The following LRBA variants were observed in gnomAD, a reference collection of about 807,000 sequenced individuals.
The protein encoded by LRBA is lipopolysaccharide-responsive and beige-like anchor protein.
A neutral mutation model predicts 330.0 loss-of-function variants in LRBA; 176 were observed. That is an observed-to-expected ratio of 0.53 (90% CI 0.47 to 0.60). The LOEUF (loss-of-function observed/expected upper bound fraction) is 0.60, where lower values mean the gene tolerates loss of function less well. LRBA is among the 20% of genes least tolerant of loss of function. The pLI is 0.00. For missense variants in LRBA, 3,259 were observed against 3,444.8 expected (o/e 0.95, Z 1.35); for synonymous variants, 1,230 against 1,193.0 (o/e 1.03, Z -0.64).
chr4:150,965,220 C>T (rs973274967), intron 2 of LRBA, among the ~76,000 whole-genome samples: 1 of 152,094 alleles, frequency 6.6e-6, no homozygotes, highest in Admixed American at 6.5e-5. Context: ...TAACAAAATA[C>T]TGGAAACAAC....
intron 36 of LRBA, among the ~76,000 whole-genome samples, chr4:150,703,227 C>T (rs1785288510): frequency 1.3e-5 from 2 of 152,174 alleles, no homozygotes. Context: ...CAGCGACAAT[C>T]CAGTAAGCAA....
intron 9 of LRBA, 128 bp downstream of exon 9, chr4:150,914,067 G>A (rs1474868809): frequency 2.5e-5 from 16 of 644,110 alleles, no homozygotes; most frequent in Non-Finnish European, 3.1e-5. Context: ...ACCCTGCTGT[G>A]GTATCAAATA....
intron 47 of LRBA, among the ~76,000 whole-genome samples, chr4:150,408,098 G>C (rs761361630): frequency 6.6e-6 from 1 of 151,930 alleles, no homozygotes; most frequent in African/African-American, 2.4e-5. Context: ...GAGGAAACCA[G>C]TGAAACAAAA....
intron 36 of LRBA, among the ~76,000 whole-genome samples, chr4:150,728,657 T>C (rs1455639238): frequency 7.2e-6 from 1 of 139,256 alleles, no homozygotes; most frequent in Non-Finnish European, 1.5e-5. Context: ...CCGTTCATGA[T>C]AAAAACCCTC....
At chr4:150,500,695 T>C (rs1760157755) in intron 40 of LRBA, among the ~76,000 whole-genome samples, 1 of 152,256 alleles carries the variant, frequency 6.6e-6, no homozygotes, top group Admixed American at 6.5e-5. Context: ...CAATATGATT[T>C]AGCCACTGGA....
In LRBA at chr4:150,908,803, G is replaced by A. The variant is rs144550751; in HGVS notation, c.1216C>T (p.Leu406Phe). 4.7e-4 allele frequency: 756 copies of A among 1,613,714 alleles called. No homozygotes were observed. Among genetic ancestry groups the A allele is most frequent in the Non-Finnish European group, 6.0e-4 (712 of 1,179,870 alleles). ...GAGAGTTTCCCATCGTACAATAAAA[G>A]TTTGTGATGCTCAGCAAGGAAAAGG... ...SDLFLAEHHK[L>F]LLYDGKLSSA... The change falls in exon 10 of 57, where the codon CTT (leucine) becomes TTT (phenylalanine). Residue 406 changes from leucine (L) to phenylalanine (F), a missense_variant. Transcript: ENST00000651943.
intron 48 of LRBA, among the ~76,000 whole-genome samples, chr4:150,332,791 T>C (rs1447661780): frequency 6.6e-6 from 1 of 152,146 alleles, no homozygotes; most frequent in Non-Finnish European, 1.5e-5. Flanking sequence ...AGATATATAG[T>C]AATAAAAAAG....
At chr4:150,303,231 C>T (rs1038492583) in intron 52 of LRBA, among the ~76,000 whole-genome samples, 4 of 152,126 alleles carry the variant, frequency 2.6e-5, no homozygotes, top group African/African-American at 9.7e-5. Flanking sequence ...CTAATAAAAA[C>T]CTATTTCTGA....
chr4:150,464,176 T>C (rs778364436), intron 44 of LRBA, among the ~76,000 whole-genome samples: 35 of 152,046 alleles, frequency 2.3e-4, no homozygotes, highest in Non-Finnish European at 4.7e-4. Context: ...GAATAAGCTA[T>C]GTGCTGAAAT....
chr4:150,932,922 A>C (rs1044149254), intron 2 of LRBA, among the ~76,000 whole-genome samples: 1 of 152,138 alleles, frequency 6.6e-6, no homozygotes, highest in African/African-American at 2.4e-5. Flanking sequence ...TCTCAAAACA[A>C]AAAAAAGAAA....
chr4:150,785,179 T>C (rs1738864754), intron 34 of LRBA, among the ~76,000 whole-genome samples: 1 of 152,066 alleles, frequency 6.6e-6, no homozygotes, highest in Admixed American at 6.5e-5. Flanking sequence ...GATGAAATCA[T>C]AGGGAGTCAA....
intron 48 of LRBA, among the ~76,000 whole-genome samples, chr4:150,342,708 A>G (rs1173280019): frequency 6.6e-6 from 1 of 152,182 alleles, no homozygotes; most frequent in Non-Finnish European, 1.5e-5. Context: ...TCATTATAAA[A>G]TGGAAACTTT....
At chr4:150,664,256 A>G (rs1781375365) in intron 37 of LRBA, among the ~76,000 whole-genome samples, 1 of 152,220 alleles carries the variant, frequency 6.6e-6, no homozygotes, top group Non-Finnish European at 1.5e-5. Flanking sequence ...TGTAATCATA[A>G]CCGATTGTTA....
At chr4:150,698,638 C>A (rs957774844) in intron 36 of LRBA, among the ~76,000 whole-genome samples, 7 of 152,162 alleles carry the variant, frequency 4.6e-5, no homozygotes, top group African/African-American at 1.4e-4. Context: ...CATCACTTAA[C>A]AATTTGCAAA....
rs544695257 is a variant in LRBA at position 150,372,874 on chromosome 4, G to C, written c.7195-22715C>G. ...TGTGTAAGCAATAAGATAGTGCAGA[G>C]GTGACAGTGGGAGTTCGAAGACTAG... On this transcript the variant is annotated intron_variant, in intron 47 of 56. Coordinates refer to ENST00000651943, the MANE Select transcript of LRBA (RefSeq NM_001364905.1). Among the ~76,000 whole-genome samples, 3 of 151,350 alleles carry C rather than the reference G, an allele frequency of 2.0e-5. No individual in the cohort carries two copies. In the East Asian group the frequency reaches 5.9e-4, roughly 30 times the overall value.
Position 150,648,092 on chromosome 4 carries a change from A to C in LRBA, c.5921+35459T>G, listed in dbSNP as rs370922415. Among the ~76,000 whole-genome samples, 5 of 147,366 alleles carry C rather than the reference A, an allele frequency of 3.4e-5. No individual in the cohort carries two copies. The East Asian group carries it at 6.2e-4, about 18-fold the overall frequency. On this transcript the variant is annotated intron_variant, in intron 37 of 56. Coordinates refer to ENST00000651943, the MANE Select transcript of LRBA (RefSeq NM_001364905.1). ...AATAAAGAGATACCCAAGCAGCATC[A>C]ACATTTATGAGCTAGGAGAAAGAAG...
rs141463672 is a variant in LRBA, at chr4:150,696,155, A to C, written c.5755-12438T>G. ...TGAGGCGGGAGGATTGCTTGAGCCC[A>C]GGAGGTTATGCTGCAGTGAGCCATA... On this transcript the variant is annotated intron_variant, in intron 36 of 56. Transcript: ENST00000651943. Among the ~76,000 whole-genome samples, 933 of 152,238 alleles carry C rather than the reference A, an allele frequency of 6.1e-3. 8 individuals carry two copies. The highest frequency in any genetic ancestry group is 0.021 in the African/African-American group (886 of 41,562).
intron 53 of LRBA, among the ~76,000 whole-genome samples, chr4:150,295,378 G>C (rs540052665): frequency 6.6e-6 from 1 of 151,646 alleles, no homozygotes; most frequent in Non-Finnish European, 1.5e-5. Flanking sequence ...TTTACTTCTT[G>C]TAGAGACAGC....
intron 40 of LRBA, among the ~76,000 whole-genome samples, chr4:150,515,161 T>C (rs1388619462): frequency 1.3e-5 from 2 of 152,192 alleles, no homozygotes; most frequent in Admixed American, 1.3e-4. Context: ...TTAAGTAATC[T>C]GTAAGCAAAC....
Sources: allele counts gnomAD v4.1 joint callset (sites outside exome capture counted in the v4.1 genomes callset), GRCh38; gene constraint gnomAD v4.1.1; transcripts MANE v1.5; gene names NCBI Gene and HGNC (gene_info 2026-07-23, HGNC 2026-07-21).